SOHLH2: variants seen among roughly 807,000 people sequenced by gnomAD.
The protein encoded by SOHLH2 is spermatogenesis- and oogenesis-specific basic helix-loop-helix-containing protein 2.
SOHLH2 carries 22 observed loss-of-function variants against 50.4 expected under a neutral mutation model. The ratio of observed to expected loss-of-function variants is 0.44; its 90% CI spans 0.31 to 0.62. SOHLH2 has a LOEUF of 0.62. SOHLH2 is among the 20% of genes least tolerant of loss of function. The pLI is 0.08. For missense variants in SOHLH2, 412 were observed against 504.4 expected, an observed-to-expected ratio of 0.82 and a Z score of 1.76; for synonymous variants, 185 against 187.3, an observed-to-expected ratio of 0.99 and a Z score of 0.10.
chr13:36,173,734 A>G lies in SOHLH2; in HGVS notation c.958T>C (p.Ser320Pro). 6.2e-7 allele frequency: 1 copy of G among 1,613,752 alleles called. No individual in the cohort carries two copies. The highest frequency in any genetic ancestry group is 1.1e-5 in the South Asian group (1 of 91,072). Residue 320 changes from serine to proline, a missense_variant, in exon 9 of 11, where the codon TCC becomes CCC. Transcript: ENST00000379881. ...FLTNTCWNGCSTPDAESSLDE... is the reference protein window; with the variant it reads ...FLTNTCWNGCPTPDAESSLDE... ...AAGGAGCTCTCTGCATCAGGAGTGG[A>G]GCACCCATTCCAGCACGTATTAGTC...
chr13:36,209,853 G>A (rs1869003763), intron 1 of SOHLH2, among the ~76,000 whole-genome samples: 1 of 152,206 alleles, frequency 6.6e-6, no homozygotes, highest in South Asian at 2.1e-4. Context: ...AGCTGAGGTG[G>A]TGTTTCCTCA....
At position 36,170,680 on chromosome 13, in the gene SOHLH2, T is replaced by C. The variant is rs1886939253; in HGVS notation, c.1108A>G (p.Lys370Glu). The C allele has an allele frequency of 1.2e-6, 2 of 1,614,220 alleles. No homozygotes were observed. Among genetic ancestry groups the C allele is most frequent in the Non-Finnish European group, 1.7e-6 (2 of 1,180,032 alleles). Reference protein sequence around the residue: ...NSLHTVRYYSKVTPSYDATAV... With the variant: ...NSLHTVRYYSEVTPSYDATAV... ...GTTGCATCGTAGGAAGGGGTGACTTTAGAATAATATCTGACAGTATGCAAG... is the reference window on the plus strand; with the variant it reads ...GTTGCATCGTAGGAAGGGGTGACTTCAGAATAATATCTGACAGTATGCAAG... Residue 370 changes from lysine to glutamate, a missense_variant, in exon 10 of 11, where the codon AAA becomes GAA. Transcript: ENST00000379881.
intron 1 of SOHLH2, among the ~76,000 whole-genome samples, chr13:36,210,120 A>T (rs1869023019): frequency 6.6e-6 from 1 of 152,168 alleles, no homozygotes; most frequent in Non-Finnish European, 1.5e-5. Context: ...CATTTTCTTT[A>T]GAGAATAGTT....
intron 1 of SOHLH2, among the ~76,000 whole-genome samples, chr13:36,209,572 G>A (rs187713499): frequency 2.7e-4 from 41 of 152,192 alleles, no homozygotes; most frequent in Middle Eastern, 3.4e-3. Context: ...CTTTTATAAG[G>A]CACTAATCCC....
At chr13:36,175,745 A>G (rs1255002470) in intron 6 of SOHLH2, among the ~76,000 whole-genome samples, 5 of 152,172 alleles carry the variant, frequency 3.3e-5, no homozygotes, top group Non-Finnish European at 5.9e-5. Context: ...CATACGGCCA[A>G]TGAATAACTC....
chr13:36,211,774 T>C (rs1172047764), intron 1 of SOHLH2, among the ~76,000 whole-genome samples: 3 of 152,208 alleles, frequency 2.0e-5, no homozygotes, highest in African/African-American at 7.2e-5. Context: ...GTGGTAGTTA[T>C]TGCCATGTTT....
At chr13:36,184,458 ACC>A (rs1491571657) in intron 6 of SOHLH2, among the ~76,000 whole-genome samples, 3 of 95,906 alleles carry the variant, frequency 3.1e-5, no homozygotes, top group African/African-American at 9.0e-5. Flanking sequence ...ACCTACAAAG[ACC>A]TTTTTTTTTT....
chr13:36,181,145 T>A (rs1343340993), intron 6 of SOHLH2, among the ~76,000 whole-genome samples: 1 of 152,334 alleles, frequency 6.6e-6, no homozygotes, highest in East Asian at 1.9e-4. Context: ...ATACTGTTTG[T>A]CTTCAAGTCT....
intron 4 of SOHLH2, among the ~76,000 whole-genome samples, chr13:36,192,561 T>C (rs1887606506): frequency 6.6e-6 from 1 of 152,326 alleles, no homozygotes; most frequent in African/African-American, 2.4e-5. Context: ...AAATCTCATA[T>C]AATCATTATC....
At chr13:36,211,269 T>C (rs1869104653) in intron 1 of SOHLH2, among the ~76,000 whole-genome samples, 1 of 152,232 alleles carries the variant, frequency 6.6e-6, no homozygotes. Context: ...TAGGGTGTCC[T>C]GGGATATAGT....
chr13:36,201,032 G>T (rs1250304750), intron 2 of SOHLH2, among the ~76,000 whole-genome samples: 3 of 107,098 alleles, frequency 2.8e-5, no homozygotes, highest in Admixed American at 1.4e-4. Flanking sequence ...CTGGGCAACA[G>T]AACGAGACTC....
intron 8 of SOHLH2, among the ~76,000 whole-genome samples, chr13:36,174,261 G>C (rs1356914877): frequency 3.3e-5 from 5 of 152,104 alleles, no homozygotes; most frequent in Non-Finnish European, 7.4e-5. Flanking sequence ...GAGAAGCAAG[G>C]GTGAGTCACA....
intron 5 of SOHLH2, among the ~76,000 whole-genome samples, chr13:36,191,020 C>G (rs1471035921): frequency 6.6e-6 from 1 of 152,176 alleles, no homozygotes; most frequent in Non-Finnish European, 1.5e-5. Context: ...TACGCATGCC[C>G]TCAGCAGTTA....
At chr13:36,198,625 G>C (rs952050143) in intron 2 of SOHLH2, among the ~76,000 whole-genome samples, 1 of 152,156 alleles carries the variant, frequency 6.6e-6, no homozygotes, top group Non-Finnish European at 1.5e-5. Flanking sequence ...GTAAAGTACT[G>C]ATATTTTATG....
intron 6 of SOHLH2, among the ~76,000 whole-genome samples, chr13:36,179,252 G>T (rs1887181591): frequency 6.6e-6 from 1 of 152,164 alleles, no homozygotes; most frequent in Non-Finnish European, 1.5e-5. Context: ...TTTTATAGAT[G>T]CCTTTTAACA....
chr13:36,209,127 A>G (rs944180536), intron 1 of SOHLH2, among the ~76,000 whole-genome samples: 3 of 152,054 alleles, frequency 2.0e-5, no homozygotes, highest in African/African-American at 7.2e-5. Flanking sequence ...TTGATCCTAC[A>G]TGCCTTGACT....
chr13:36,180,997 A>C (rs991680415), intron 6 of SOHLH2, among the ~76,000 whole-genome samples: 1 of 152,194 alleles, frequency 6.6e-6, no homozygotes, highest in Non-Finnish European at 1.5e-5. Flanking sequence ...TTTTAAAATT[A>C]TCTATTTGTC....
At chr13:36,197,418 A>G (rs1887765551) in intron 2 of SOHLH2, among the ~76,000 whole-genome samples, 1 of 152,172 alleles carries the variant, frequency 6.6e-6, no homozygotes, top group African/African-American at 2.4e-5. Flanking sequence ...AAGATCATAT[A>G]CAAGTGTTTT....
chr13:36,187,559 C>T (rs1389336099), intron 6 of SOHLH2, among the ~76,000 whole-genome samples: 1 of 152,136 alleles, frequency 6.6e-6, no homozygotes, highest in African/African-American at 2.4e-5. Flanking sequence ...CCCTTTAGAG[C>T]CAGAGTAGCC....
Sources: gnomAD v4.1 joint callset for allele counts (sites outside exome capture counted in the v4.1 genomes callset) on GRCh38, gnomAD v4.1.1 for gene constraint, MANE v1.5 for transcripts, NCBI Gene and HGNC (gene_info 2026-07-23, HGNC 2026-07-21) for gene names.